Variants in PTCD1 observed in about 807,000 individuals in gnomAD.
The protein encoded by PTCD1 is pentatricopeptide repeat domain 1, also known as pentatricopeptide repeat-containing protein 1, mitochondrial.
Under a neutral mutation model 53.4 loss-of-function variants are expected in PTCD1, and 50 were observed. The ratio of observed to expected loss-of-function variants is 0.94; its 90% confidence interval spans 0.75 to 1.19. PTCD1 has a LOEUF of 1.19. PTCD1 is among the 50% of genes most tolerant of loss of function. The probability of loss-of-function intolerance (pLI) is 0.00; values close to 1 mark genes in which losing one functional copy is unlikely to be tolerated. For missense variants in PTCD1, 918 were observed against 904.8 expected (o/e 1.01, Z -0.19); for synonymous variants, 413 against 394.8 (o/e 1.05, Z -0.55).
intron 6 of PTCD1, 54 bp from the exon 7 acceptor site, chr7:99,424,011 C>G: frequency 6.3e-7 from 1 of 1,590,846 alleles, no homozygotes; most frequent in Non-Finnish European, 8.6e-7. Context: ...TGGGACCCAG[C>G]AGCTCCCACC....
intron 7 of PTCD1, among the ~76,000 whole-genome samples, chr7:99,423,074 C>T (rs1795887850): frequency 6.6e-6 from 1 of 151,312 alleles, no homozygotes; most frequent in African/African-American, 2.4e-5. Flanking sequence ...CAGCTCTTAA[C>T]CTCTTTTTTT....
intron 7 of PTCD1, among the ~76,000 whole-genome samples, chr7:99,420,976 A>T (rs1795788624): frequency 1.3e-5 from 2 of 152,004 alleles, no homozygotes; most frequent in South Asian, 2.1e-4. Flanking sequence ...AAAAGGTTTG[A>T]CTCAAAAGAC....
chr7:99,421,729 T>A (rs1795833111), intron 7 of PTCD1, among the ~76,000 whole-genome samples: 1 of 152,162 alleles, frequency 6.6e-6, no homozygotes, highest in Admixed American at 6.6e-5. Flanking sequence ...CACTCCAGCC[T>A]GGGTGACAGA....
Position 99,419,690 on chromosome 7 carries a change from C to T in PTCD1, c.*277G>A. The T allele has an allele frequency of 2.9e-6, 2 of 690,906 alleles. No individual in the cohort carries two copies. The highest frequency in any genetic ancestry group is 4.8e-6 in the Non-Finnish European group (2 of 419,626). 42.8% of individuals were successfully genotyped at this position (690,906 alleles called of 1,614,324 possible). A position where few individuals can be genotyped will look rare whatever the true frequency, so the allele number is the denominator to read the frequency against. On this transcript the variant is annotated 3_prime_UTR_variant, in exon 8 of 8. Coordinates refer to ENST00000292478, the MANE Select transcript of PTCD1 (RefSeq NM_015545.4). ...CGGCCCAGGCCCCAGGGACCAGATG[C>T]CCCAGCCCCCTTGTGGTGTGTGAGG...
chr7:99,420,717 G>A (rs1023669058), intron 7 of PTCD1, among the ~76,000 whole-genome samples: 3 of 152,228 alleles, frequency 2.0e-5, no homozygotes, highest in African/African-American at 4.8e-5. Context: ...AGCACTTTGA[G>A]AGGCCGAGGT....
rs1330094965 is a variant in PTCD1 at position 99,417,936 on chromosome 7, T to C, written c.*2031A>G. 15 of 1,258,316 alleles carry C rather than the reference T, an allele frequency of 1.2e-5. No homozygotes were observed. The highest frequency in any genetic ancestry group is 1.5e-5 in the African/African-American group (1 of 65,140). The allele number at this position is 1,258,316 out of a possible 1,614,324, so 77.9% of individuals were successfully genotyped here. On this transcript the variant is annotated 3_prime_UTR_variant, in exon 8 of 8. Coordinates refer to ENST00000292478, the MANE Select transcript of PTCD1 (RefSeq NM_015545.4). ...ACCAGTGAGTTCCTGTCCCTTTCAG[T>C]CCTCACAGTGATACTTTAACATTAC...
Position 99,417,889 on chromosome 7 carries a change from AGGGTGACATCAGGGAAGGACAAC to A in PTCD1, c.*2055_*2077del. ...GGAGCCCTAATCCCAAGGTGGTGGC[AGGGTGACATCAGGGAAGGACAAC>A]CAGTGAGTTCCTGTCCCTTTCAGTC... On this transcript the variant is annotated 3_prime_UTR_variant, in exon 8 of 8. Transcript: ENST00000292478. 7.4e-7 allele frequency: 1 copy of A among 1,347,826 alleles called. No homozygotes were observed. Among genetic ancestry groups the A allele is most frequent in the South Asian group, 1.5e-5 (1 of 67,442 alleles). 83.5% of individuals were successfully genotyped at this position (1,347,826 alleles called of 1,614,324 possible).
At position 99,423,351 on chromosome 7, in the gene PTCD1, G is replaced by A. The variant is rs183838150; in HGVS notation, c.1920+424C>T. ...ATGAGCACATGATCCAAGACTGTAG[G>A]ACACGGCATAAAGGAACAGAGTGGG... On this transcript the variant is annotated intron_variant, in intron 7 of 7. Coordinates refer to ENST00000292478, the MANE Select transcript of PTCD1 (RefSeq NM_015545.4). Among the ~76,000 whole-genome samples, 10 of 152,252 alleles carry A rather than the reference G, an allele frequency of 6.6e-5. No individual in the cohort carries two copies. The East Asian group carries it at 1.9e-3, about 29-fold the overall frequency.
intron 1 of PTCD1, among the ~76,000 whole-genome samples, chr7:99,435,897 T>C (rs1562848134): frequency 6.7e-6 from 1 of 149,328 alleles, no homozygotes; most frequent in Non-Finnish European, 1.5e-5. Flanking sequence ...ATCGCGCCAC[T>C]GCACTCCAGC....
chr7:99,422,312 T>G (rs985081693), intron 7 of PTCD1, among the ~76,000 whole-genome samples: 2 of 152,188 alleles, frequency 1.3e-5, no homozygotes, highest in Non-Finnish European at 2.9e-5. Context: ...TCCCTGCCCA[T>G]TTACTTGTTT....
intron 1 of PTCD1, among the ~76,000 whole-genome samples, chr7:99,437,015 C>A (rs556645547): frequency 1.6e-4 from 24 of 152,340 alleles, no homozygotes; most frequent in Non-Finnish European, 1.9e-4. Flanking sequence ...CTGGTGCACA[C>A]CACCATACCT....
rs758647706 is a variant in PTCD1 at position 99,429,193 on chromosome 7, G to A, written c.825C>T (p.His275=). Residue 275 remains histidine (H), a synonymous_variant, in exon 5 of 8, where the codon CAC becomes CAT. Transcript: ENST00000292478. ...TCTCCTCTGTGACCACGTGCCCTTT[G>A]TGGATGATTTCCTGGGGGAGGGAAC... The part of the protein sequence containing the change: ...MCLDVFKEII[H]KGHVVTEETF... 1.2e-6 allele frequency: 2 copies of A among 1,614,038 alleles called. No homozygotes were observed. The highest frequency in any genetic ancestry group is 1.3e-5 in the African/African-American group (1 of 74,922).
intron 7 of PTCD1, 141 bp downstream of exon 7, chr7:99,423,634 G>A (rs1488302198): frequency 1.5e-6 from 2 of 1,326,582 alleles, no homozygotes; most frequent in African/African-American, 1.4e-5. Context: ...CTACAGACTT[G>A]GGTACTGCTC....
chr7:99,428,190 G>A (rs1796126733), intron 5 of PTCD1, among the ~76,000 whole-genome samples: 1 of 151,894 alleles, frequency 6.6e-6, no homozygotes, highest in South Asian at 2.1e-4. Context: ...CACGAGGTAG[G>A]AGAGCGAGAC....
chr7:99,420,261 G>C (rs1795739349), intron 7 of PTCD1, 112 bp from the exon 8 acceptor site: 4 of 1,484,452 alleles, frequency 2.7e-6, no homozygotes, highest in African/African-American at 2.8e-5. Context: ...TTCCCTTCCA[G>C]GTGGCTGCAG....
In PTCD1 at chr7:99,429,760, A is replaced by G. The variant is rs764180324; in HGVS notation, c.641T>C (p.Leu214Pro). The change falls in exon 4 of 8, where the codon CTG (leucine) becomes CCG (proline). Residue 214 changes from leucine (L) to proline (P), a missense_variant. Transcript: ENST00000292478. ...LEPSDATYTA[L>P]FNVCAESPWK... ...GGGGGACTCGGCACAGACGTTGAAC[A>G]GGGCCGTGTAGGTGGCGTCCGAGGG... 1.2e-6 allele frequency: 2 copies of G among 1,614,162 alleles called. No homozygotes were observed. The highest frequency in any genetic ancestry group is 1.7e-5 in the Admixed American group (1 of 60,020).
At chr7:99,427,867 G>A (rs28566086) in intron 5 of PTCD1, among the ~76,000 whole-genome samples, 1 of 150,544 alleles carries the variant, frequency 6.6e-6, no homozygotes, top group Admixed American at 6.6e-5. Context: ...GATTAAGGGT[G>A]GTGCAAGATG....
Position 99,424,852 on chromosome 7 carries a change from G to T in PTCD1, c.1680C>A (p.Asn560Lys). ...GLVPNLQTFC[N>K]LAIGCHRPKD... ...TCGGCCTGTGGCACCCGATGGCCAG[G>T]TTGCAGAATGTCTGCAGGTTGGGGA... The change falls in exon 6 of 8, where the codon AAC becomes AAA. Residue 560 changes from asparagine (N) to lysine (K), a missense_variant. Physicochemically the swap from Asn to Lys is moderately conservative, Grantham distance 94. Transcript: ENST00000292478. The T allele has an allele frequency of 6.2e-7, 1 of 1,614,250 alleles. No individual in the cohort carries two copies.
At chr7:99,427,685 T>C (rs1236076237) in intron 5 of PTCD1, among the ~76,000 whole-genome samples, 5 of 151,964 alleles carry the variant, frequency 3.3e-5, no homozygotes, top group Admixed American at 1.3e-4. Context: ...GGGGAAAAGA[T>C]TGAGAAATCG....
Sources: allele counts gnomAD v4.1 joint callset (sites outside exome capture counted in the v4.1 genomes callset), GRCh38; gene constraint gnomAD v4.1.1; transcripts MANE v1.5; gene names NCBI Gene and HGNC (gene_info 2026-07-23, HGNC 2026-07-21).